The following ENTREP2 variants were observed in gnomAD, a reference collection of about 807,000 sequenced individuals.
The protein encoded by ENTREP2 is protein ENTREP2.
At chr15:29,147,406 G>A in the ENTREP2 span, among the ~76,000 whole-genome samples, 1 of 151,856 alleles carries the variant, frequency 6.6e-6, no homozygotes, top group East Asian at 1.9e-4. Flanking sequence ...TGGCGTGGAT[G>A]TGAAGAAACT....
chr15:29,640,330 A>C, the ENTREP2 span, among the ~76,000 whole-genome samples: 7 of 152,284 alleles, frequency 4.6e-5, no homozygotes, highest in African/African-American at 1.7e-4. Flanking sequence ...GAAGATATAA[A>C]TAGTCATAGA....
the ENTREP2 span, among the ~76,000 whole-genome samples, chr15:29,206,868 G>A: frequency 1.2e-4 from 19 of 152,104 alleles, no homozygotes; most frequent in African/African-American, 4.1e-4. Flanking sequence ...CATTTAGTTT[G>A]GTTTTAATCC....
chr15:29,135,990 CAG>C, the ENTREP2 span, among the ~76,000 whole-genome samples: 1 of 152,154 alleles, frequency 6.6e-6, no homozygotes, highest in Non-Finnish European at 1.5e-5. The surrounding 1 kb of genome is among the most constrained non-coding windows in gnomAD (Gnocchi z 7.4). Flanking sequence ...ACCTGGATCC[CAG>C]ACCACCTACC....
At chr15:29,238,515 G>A in the ENTREP2 span, among the ~76,000 whole-genome samples, 4 of 152,008 alleles carry the variant, frequency 2.6e-5, no homozygotes. Context: ...CGTGCCTGTA[G>A]TCCCAGCTAC....
chr15:29,638,170 C>T, the ENTREP2 span, among the ~76,000 whole-genome samples: 11 of 152,330 alleles, frequency 7.2e-5, no homozygotes, highest in Middle Eastern at 3.4e-3. Context: ...GTTTCTATGG[C>T]GAGGCTCTGC....
At chr15:29,384,711 A>G in the ENTREP2 span, among the ~76,000 whole-genome samples, 3 of 149,728 alleles carry the variant, frequency 2.0e-5, no homozygotes, top group Admixed American at 6.7e-5. Flanking sequence ...TCCACACCCA[A>G]CCTCCGAGAC....
the ENTREP2 span, among the ~76,000 whole-genome samples, chr15:29,489,994 A>G: frequency 2.0e-5 from 3 of 152,248 alleles, no homozygotes; most frequent in Non-Finnish European, 4.4e-5. Flanking sequence ...CTCAGCAATA[A>G]AATTCAATAA....
the ENTREP2 span, among the ~76,000 whole-genome samples, chr15:29,236,037 T>A: frequency 6.6e-6 from 1 of 151,396 alleles, no homozygotes; most frequent in Non-Finnish European, 1.5e-5. Flanking sequence ...AAAGTACAAA[T>A]CAATGAAATA....
At chr15:29,524,415 G>A in the ENTREP2 span, among the ~76,000 whole-genome samples, 1 of 152,188 alleles carries the variant, frequency 6.6e-6, no homozygotes, top group Non-Finnish European at 1.5e-5. Flanking sequence ...CACATTGTTG[G>A]TAATGTTACG....
chr15:29,253,845 T>G, the ENTREP2 span, among the ~76,000 whole-genome samples: 4 of 152,324 alleles, frequency 2.6e-5, no homozygotes, highest in South Asian at 4.1e-4. Context: ...CTGTCATTTT[T>G]TCTTTATGAA....
the ENTREP2 span, among the ~76,000 whole-genome samples, chr15:29,665,852 C>CTTT: frequency 4.2e-4 from 55 of 131,088 alleles, 1 homozygote; most frequent in African/African-American, 1.2e-3. Flanking sequence ...TTTACATCAT[C>CTTT]TTTTTTTTTT....
the ENTREP2 span, among the ~76,000 whole-genome samples, chr15:29,204,183 C>G: frequency 6.6e-6 from 1 of 152,256 alleles, no homozygotes; most frequent in South Asian, 2.1e-4. Flanking sequence ...GGAACGACAC[C>G]GCAGAGCTTT....
the ENTREP2 span, among the ~76,000 whole-genome samples, chr15:29,229,827 A>G: frequency 6.6e-6 from 1 of 151,956 alleles, no homozygotes; most frequent in Non-Finnish European, 1.5e-5. Flanking sequence ...ATCCACTCCC[A>G]TGGTTTCAGT....
At chr15:29,499,658 G>A in the ENTREP2 span, among the ~76,000 whole-genome samples, 1 of 151,896 alleles carries the variant, frequency 6.6e-6, no homozygotes, top group Non-Finnish European at 1.5e-5. Context: ...TTACAAGTGT[G>A]AGCCACCATG....
the ENTREP2 span, among the ~76,000 whole-genome samples, chr15:29,448,392 C>G: frequency 3.9e-4 from 59 of 152,334 alleles, no homozygotes; most frequent in African/African-American, 1.2e-3. Flanking sequence ...ATCTTCATAA[C>G]TGGAATTCAC....
At chr15:29,338,048 C>T in the ENTREP2 span, among the ~76,000 whole-genome samples, 1 of 152,092 alleles carries the variant, frequency 6.6e-6, no homozygotes, top group African/African-American at 2.4e-5. Context: ...ATATCTTTAT[C>T]ATATGTATCT....
the ENTREP2 span, among the ~76,000 whole-genome samples, chr15:29,629,300 T>G: frequency 6.6e-6 from 1 of 152,222 alleles, no homozygotes. Flanking sequence ...ATATTAAAAA[T>G]AATTATTAAT....
the ENTREP2 span, among the ~76,000 whole-genome samples, chr15:29,414,090 C>T: frequency 6.6e-6 from 1 of 151,956 alleles, no homozygotes; most frequent in Admixed American, 6.6e-5. Context: ...GACAGATCAA[C>T]GAGACAGAAA....
the ENTREP2 span, among the ~76,000 whole-genome samples, chr15:29,585,005 A>G: frequency 2.4e-5 from 1 of 41,864 alleles, no homozygotes; most frequent in Non-Finnish European, 1.2e-4. Context: ...ATGGATAGAT[A>G]GATAGATAGA....
Sources: allele counts gnomAD v4.1 joint callset (sites outside exome capture counted in the v4.1 genomes callset), GRCh38; gene constraint gnomAD v4.1.1; non-coding constraint Gnocchi (gnomAD v3.1); transcripts MANE v1.5; gene names NCBI Gene and HGNC (gene_info 2026-07-23, HGNC 2026-07-21).